MARK1: variants seen among roughly 807,000 people sequenced by gnomAD.
MARK1 encodes microtubule affinity regulating kinase 1, also known as serine/threonine-protein kinase MARK1.
A neutral mutation model predicts 96.3 loss-of-function variants in MARK1; 40 were observed. The ratio of observed to expected loss-of-function variants is 0.42; its 90% CI spans 0.32 to 0.54. MARK1 has a LOEUF of 0.54. Ranked by LOEUF, MARK1 falls within the 20% of genes least tolerant of loss-of-function variation. The pLI, the probability that MARK1 is intolerant of heterozygous loss-of-function variation, is 0.16. For missense variants in MARK1, 719 were observed against 984.6 expected (o/e 0.73, Z 3.61); for synonymous variants, 317 against 341.2 (o/e 0.93, Z 0.78).
At chr1:220,613,858 A>G (rs902411934) in intron 6 of MARK1, among the ~76,000 whole-genome samples, 44 of 152,266 alleles carry the variant, frequency 2.9e-4, no homozygotes, top group Middle Eastern at 3.4e-3. Flanking sequence ...GTACCTGCCT[A>G]GTTTTGAATT....
At chr1:220,620,589 A>ATT (rs1667003659) in intron 9 of MARK1, among the ~76,000 whole-genome samples, 2 of 152,186 alleles carry the variant, frequency 1.3e-5, no homozygotes, top group Admixed American at 1.3e-4. Flanking sequence ...CTTAAAGATG[A>ATT]TTAATTTATA....
intron 3 of MARK1, among the ~76,000 whole-genome samples, chr1:220,596,533 A>T (rs1665366987): frequency 6.6e-6 from 1 of 152,212 alleles, no homozygotes; most frequent in Admixed American, 6.5e-5. Context: ...ATTTATATGA[A>T]TATACATATG....
At chr1:220,650,799 A>G in intron 14 of MARK1, 79 bp downstream of exon 14, 2 of 964,424 alleles carry the variant, frequency 2.1e-6, no homozygotes, top group Non-Finnish European at 3.3e-6. Context: ...CTGCAGCCGA[A>G]TGGGTCAGGA....
At chr1:220,530,228 T>TA (rs11383302) in intron 1 of MARK1, among the ~76,000 whole-genome samples, 143,758 of 152,254 alleles carry the variant, frequency 0.94, 68,467 homozygotes, top group East Asian at 1. Context: ...GCCGTGCATT[T>TA]AAATGGGAAA....
chr1:220,658,619 C>A (rs992498848), intron 17 of MARK1, among the ~76,000 whole-genome samples: 24 of 152,308 alleles, frequency 1.6e-4, no homozygotes, highest in African/African-American at 5.5e-4. Flanking sequence ...GTAAATTTTA[C>A]AACCAACAAG....
chr1:220,593,923 C>G (rs1487027143), intron 3 of MARK1, among the ~76,000 whole-genome samples: 1 of 152,154 alleles, frequency 6.6e-6, no homozygotes, highest in East Asian at 1.9e-4. Context: ...ACATTCTCCT[C>G]TGCTGACCTG....
At chr1:220,628,383 A>G (rs1343769562) in intron 9 of MARK1, among the ~76,000 whole-genome samples, 18 of 152,038 alleles carry the variant, frequency 1.2e-4, no homozygotes, top group Admixed American at 1.1e-3. Flanking sequence ...ATTCCTCACC[A>G]ATCCATTTAC....
chr1:220,572,564 G>T (rs1663549751), intron 1 of MARK1, among the ~76,000 whole-genome samples: 1 of 152,116 alleles, frequency 6.6e-6, no homozygotes, highest in Non-Finnish European at 1.5e-5. Flanking sequence ...ATGTATAGTT[G>T]TTCTTTCAGC....
chr1:220,548,764 A>T (rs1315191287), intron 1 of MARK1, among the ~76,000 whole-genome samples: 2 of 152,150 alleles, frequency 1.3e-5, no homozygotes, highest in Non-Finnish European at 2.9e-5. Context: ...TCAGAAAAAA[A>T]ATATAATAAT....
chr1:220,623,930 C>T (rs1667177473), intron 9 of MARK1, among the ~76,000 whole-genome samples: 2 of 152,172 alleles, frequency 1.3e-5, no homozygotes, highest in Non-Finnish European at 2.9e-5. Context: ...CCTGAAAATC[C>T]CAGCCCACAC....
At chr1:220,564,301 G>A (rs1662892125) in intron 1 of MARK1, among the ~76,000 whole-genome samples, 1 of 152,142 alleles carries the variant, frequency 6.6e-6, no homozygotes, top group Non-Finnish European at 1.5e-5. Context: ...CTGCACTGGG[G>A]AAGCCCAGTC....
intron 3 of MARK1, among the ~76,000 whole-genome samples, chr1:220,582,391 G>A (rs1250942359): frequency 6.6e-6 from 1 of 152,124 alleles, no homozygotes; most frequent in East Asian, 1.9e-4. Flanking sequence ...ATCCTACCTG[G>A]ACCAATTAAC....
intron 13 of MARK1, among the ~76,000 whole-genome samples, chr1:220,640,546 A>G (rs1668209552): frequency 6.6e-6 from 1 of 152,206 alleles, no homozygotes; most frequent in African/African-American, 2.4e-5. Flanking sequence ...ACCCACAACC[A>G]TCACAGACTA....
At chr1:220,567,437 T>A (rs2589582) in intron 1 of MARK1, among the ~76,000 whole-genome samples, 142,875 of 152,168 alleles carry the variant, frequency 0.94, 67,791 homozygotes, top group East Asian at 1. Flanking sequence ...GTTTTACCTA[T>A]GAGGGATGGA....
chr1:220,557,157 TA>T (rs1215756549), intron 1 of MARK1, among the ~76,000 whole-genome samples: 2 of 152,142 alleles, frequency 1.3e-5, no homozygotes, highest in African/African-American at 4.8e-5. Flanking sequence ...ATTTCCAAAG[TA>T]ACAAAAGTTA....
intron 13 of MARK1, among the ~76,000 whole-genome samples, chr1:220,649,384 ACT>A (rs1174498524): frequency 6.6e-6 from 1 of 151,826 alleles, no homozygotes; most frequent in African/African-American, 2.4e-5. Context: ...GTGCCATCAC[ACT>A]CAGCTAATTT....
rs1664836041 is a variant in MARK1, at chr1:220,589,282, T to C, written c.309+8164T>C. Among the ~76,000 whole-genome samples the C allele has an allele frequency of 2.0e-5, 3 of 152,306 alleles. No individual in the cohort carries two copies. In the South Asian group the frequency reaches 6.2e-4, roughly 32 times the overall value. ...ACTAGAATGACGATTGTCTAAGCCA[T>C]GTCCAGTTGGCTAGTTCTAAAAATG... On this transcript the variant is annotated intron_variant, in intron 3 of 17. Coordinates refer to ENST00000366917, the MANE Select transcript of MARK1 (RefSeq NM_018650.5).
chr1:220,566,606 G>A (rs1034621858), intron 1 of MARK1, among the ~76,000 whole-genome samples: 1 of 152,258 alleles, frequency 6.6e-6, no homozygotes, highest in African/African-American at 2.4e-5. Flanking sequence ...TGTAATTTGT[G>A]TGGGCATGTA....
Position 220,607,469 on chromosome 1 carries a change from A to G in MARK1, c.495+3332A>G, listed in dbSNP as rs142327127. Among the ~76,000 whole-genome samples the G allele has an allele frequency of 1.1e-4, 17 of 152,236 alleles. No individual in the cohort carries two copies. In the East Asian group the frequency reaches 3.1e-3, roughly 28 times the overall value. On this transcript the variant is annotated intron_variant, in intron 6 of 17. Transcript: ENST00000366917. ...AAATTTACAATCATGTCATCTGCAA[A>G]CAGGGACCTCTTGACTTCCTCATTT...
Sources: gnomAD v4.1 joint callset for allele counts (sites outside exome capture counted in the v4.1 genomes callset) on GRCh38, gnomAD v4.1.1 for gene constraint, MANE v1.5 for transcripts, NCBI Gene and HGNC (gene_info 2026-07-23, HGNC 2026-07-21) for gene names.